The following CLIP1 variants were observed in gnomAD, a reference collection of about 807,000 sequenced individuals.
CLIP1 encodes the protein CAP-Gly domain containing linker protein 1.
A neutral mutation model predicts 161.6 loss-of-function variants in CLIP1; 66 were observed. That is an observed-to-expected ratio of 0.41 (90% CI 0.33 to 0.50). CLIP1 has a LOEUF of 0.50. CLIP1 is among the 20% of genes least tolerant of loss of function. The probability of loss-of-function intolerance (pLI) is 0.27; values close to 1 mark genes in which losing one functional copy is unlikely to be tolerated. For synonymous variants in CLIP1, 598 were observed against 626.2 expected, an observed-to-expected ratio of 0.96 and a Z score of 0.67; for missense variants, 1,376 against 1,702.0, an observed-to-expected ratio of 0.81 and a Z score of 3.37.
intron 20 of CLIP1, among the ~76,000 whole-genome samples, chr12:122,307,156 C>T (rs1439394572): frequency 6.6e-6 from 1 of 151,696 alleles, no homozygotes; most frequent in Non-Finnish European, 1.5e-5. Context: ...TTACAGGCGC[C>T]CGCCACCATG....
chr12:122,333,747 T>C (rs1952091041), intron 14 of CLIP1, among the ~76,000 whole-genome samples: 1 of 152,164 alleles, frequency 6.6e-6, no homozygotes, highest in African/African-American at 2.4e-5. Context: ...AAGGGTCAGC[T>C]GTCAGGGTAG....
chr12:122,347,844 C>T (rs1426301228), intron 9 of CLIP1, among the ~76,000 whole-genome samples: 1 of 152,144 alleles, frequency 6.6e-6, no homozygotes, highest in African/African-American at 2.4e-5. Context: ...ATCATTATCC[C>T]TCCGCCCCAC....
intron 3 of CLIP1, among the ~76,000 whole-genome samples, chr12:122,370,891 G>A (rs530887562): frequency 1.3e-4 from 20 of 148,860 alleles, no homozygotes; most frequent in African/African-American, 4.4e-4. Context: ...CTGGGAGGCA[G>A]AGGTTGCAGT....
Position 122,377,565 on chromosome 12 carries a change from G to A in CLIP1, c.481C>T (p.Pro161Ser). The A allele has an allele frequency of 1.2e-6, 2 of 1,613,972 alleles. No individual in the cohort carries two copies. The highest frequency in any genetic ancestry group is 1.7e-6 in the Non-Finnish European group (2 of 1,180,014). The change falls in exon 3 of 26, where the codon CCC becomes TCC. Residue 161 changes from proline (P) to serine (S), a missense_variant. Physicochemically the swap from Pro to Ser is moderately conservative, Grantham distance 74. Transcript: ENST00000620786. Reference protein sequence around the residue: ...TSTASMVSSSPSTPSNIPQKP... With the variant: ...TSTASMVSSSSSTPSNIPQKP... ...TGAGGGATGTTTGAAGGGGTGGAGG[G>A]GGAGGAAGACACCATGCTGGCCGTA...
At chr12:122,363,877 C>G (rs929916046) in intron 4 of CLIP1, 106 bp downstream of exon 4, 7 of 1,493,382 alleles carry the variant, frequency 4.7e-6, no homozygotes, top group Non-Finnish European at 5.5e-6. Context: ...AAAAGTGCCA[C>G]TCTTCCAAAC....
intron 5 of CLIP1, among the ~76,000 whole-genome samples, chr12:122,357,293 C>G (rs1255300448): frequency 2.0e-5 from 3 of 152,094 alleles, no homozygotes; most frequent in Admixed American, 6.5e-5. Flanking sequence ...GGCCGCGACC[C>G]TGTCTGGGAG....
rs1366840998 is a variant in CLIP1, at chr12:122,354,881, G to A, written c.1203+234C>T. On this transcript the variant is annotated intron_variant, in intron 6 of 25. Transcript: ENST00000620786. Reference sequence around the variant, plus strand: ...CTGGCCTAACACAGACAGGCCAAAAGACCCGGACACAAAGACCAAACACTA... The same window carrying A: ...CTGGCCTAACACAGACAGGCCAAAAAACCCGGACACAAAGACCAAACACTA... 5.1e-6 allele frequency: 3 copies of A among 590,190 alleles called. No homozygotes were observed. In the East Asian group the frequency reaches 8.4e-5, roughly 17 times the overall value. 36.6% of individuals were successfully genotyped at this position (590,190 alleles called of 1,614,324 possible).
rs997125359 is a variant in CLIP1, at chr12:122,279,242, G to A, written c.3648-97C>T. On this transcript the variant is annotated intron_variant, in intron 21 of 25. Transcript: ENST00000620786. The surrounding 1 kb of genome is among the most constrained non-coding windows in gnomAD (Gnocchi z 4.5). ...AAACACATAATTAATGTTAGTTAAT[G>A]TAAAAAAAAAAATATAACAGGGAAG... 4.0e-6 allele frequency: 3 copies of A among 745,368 alleles called. No individual in the cohort carries two copies. The highest frequency in any genetic ancestry group is 3.8e-5 in the African/African-American group (2 of 52,074). 46.2% of individuals were successfully genotyped at this position (745,368 alleles called of 1,614,324 possible).
At chr12:122,357,804 G>A (rs1953539177) in intron 5 of CLIP1, among the ~76,000 whole-genome samples, 1 of 150,770 alleles carries the variant, frequency 6.6e-6, no homozygotes, top group South Asian at 2.1e-4. Flanking sequence ...GCCCCATCCG[G>A]GAGGGAGGTG....
At chr12:122,346,818 A>C (rs1311198296) in intron 10 of CLIP1, among the ~76,000 whole-genome samples, 1 of 152,162 alleles carries the variant, frequency 6.6e-6, no homozygotes, top group Non-Finnish European at 1.5e-5. Flanking sequence ...TGAGGTTTCA[A>C]TCCCCCGAGC....
intron 1 of CLIP1, among the ~76,000 whole-genome samples, chr12:122,392,521 C>A (rs1955702719): frequency 6.6e-6 from 1 of 152,054 alleles, no homozygotes; most frequent in Non-Finnish European, 1.5e-5. Context: ...AGCAATGAAT[C>A]CCAAAGTTTG....
At chr12:122,374,315 C>CA (rs537296671) in intron 3 of CLIP1, among the ~76,000 whole-genome samples, 624 of 45,926 alleles carry the variant, frequency 0.014, 24 homozygotes, top group African/African-American at 0.027. Flanking sequence ...ACTAAAAATA[C>CA]AAAAAAAAAA....
intron 17 of CLIP1, among the ~76,000 whole-genome samples, chr12:122,327,414 C>T (rs1458217610): frequency 6.6e-6 from 1 of 152,134 alleles, no homozygotes; most frequent in African/African-American, 2.4e-5. Flanking sequence ...GCTTCCTTGT[C>T]AATAAGCTCA....
intron 15 of CLIP1, among the ~76,000 whole-genome samples, chr12:122,330,610 T>TG (rs1566125508): frequency 2.1e-5 from 3 of 142,396 alleles, no homozygotes; most frequent in Middle Eastern, 3.5e-3. Flanking sequence ...TTTTTTTTTT[T>TG]TTTTTTTGAG....
intron 1 of CLIP1, among the ~76,000 whole-genome samples, chr12:122,381,873 G>T (rs1955025737): frequency 6.6e-6 from 1 of 152,192 alleles, no homozygotes; most frequent in African/African-American, 2.4e-5. Context: ...TAAGAATCTT[G>T]AGATAAGATC....
chr12:122,420,662 G>A (rs1956907564), intron 1 of CLIP1, among the ~76,000 whole-genome samples: 1 of 152,094 alleles, frequency 6.6e-6, no homozygotes, highest in Admixed American at 6.6e-5. Context: ...GGGGCCAGGT[G>A]CGGTAGTTCA....
At chr12:122,389,023 C>T (rs10773117) in intron 1 of CLIP1, among the ~76,000 whole-genome samples, 76,314 of 152,116 alleles carry the variant, frequency 0.5, 22,304 homozygotes, top group Non-Finnish European at 0.64. Context: ...GTTTTCAAGG[C>T]TGGGGGTCCC....
intron 20 of CLIP1, among the ~76,000 whole-genome samples, chr12:122,302,021 G>A (rs1950699145): frequency 6.6e-6 from 1 of 152,154 alleles, no homozygotes; most frequent in African/African-American, 2.4e-5. Flanking sequence ...TGCATTGAAT[G>A]TATCTGCAGT....
chr12:122,322,336 C>T (rs548862827), intron 17 of CLIP1: 1 of 152,746 alleles, frequency 6.5e-6, no homozygotes, highest in Middle Eastern at 3.4e-3. Flanking sequence ...TTTCGCTCTT[C>T]TCAGCCAGGA....
Sources: allele counts gnomAD v4.1 joint callset (sites outside exome capture counted in the v4.1 genomes callset), GRCh38; gene constraint gnomAD v4.1.1; non-coding constraint Gnocchi (gnomAD v3.1); transcripts MANE v1.5; gene names NCBI Gene and HGNC (gene_info 2026-07-23, HGNC 2026-07-21).